The following TANC1 variants were observed in gnomAD, a reference collection of about 807,000 sequenced individuals.
TANC1 encodes protein TANC1.
In TANC1, 77 loss-of-function variants were observed where a neutral mutation model predicts 149.7. That is an observed-to-expected ratio of 0.51 (90% confidence interval 0.43 to 0.62). The LOEUF (loss-of-function observed/expected upper bound fraction) is 0.62, where lower values mean the gene tolerates loss of function less well. TANC1 is among the 20% of genes least tolerant of loss of function. TANC1 has a pLI of 0.00. For missense variants in TANC1, 1,985 were observed against 2,321.8 expected (o/e 0.85, Z 2.98); for synonymous variants, 854 against 925.0 (o/e 0.92, Z 1.39).
Position 159,123,762 on chromosome 2 carries a change from T to C in TANC1, c.260-12432T>C, listed in dbSNP as rs73969454. 7.0e-3 allele frequency among the ~76,000 whole-genome samples: 1,071 copies of C among 152,326 alleles called. 8 individuals are homozygous for C. The highest frequency in any genetic ancestry group is 0.024 in the African/African-American group (1,007 of 41,566). On this transcript the variant is annotated intron_variant, in intron 4 of 26. Coordinates refer to ENST00000263635, the MANE Select transcript of TANC1 (RefSeq NM_033394.3). ...GAGTACATAGCTCTGTGCTAAACAC[T>C]GTAAAGAAGCTAAACAGAGACAAAG... is the stretch of plus-strand genomic sequence containing the variant.
In TANC1 at chr2:159,228,894, C is replaced by G; in HGVS notation, c.4149C>G (p.Ser1383Arg). ...CCAGAGCAAGAGCGAAGAGAAATAG[C>G]AGGTACCGTCTGTGGTTATCTTTGT... ...FYARARAKRN[S>R]RQFVAALADL... The change falls in exon 26 of 27, where the codon AGC (serine) becomes AGG (arginine). Residue 1383 changes from serine (S) to arginine (R), a missense_variant and splice_region_variant. Ser to Arg is a moderately radical substitution (Grantham distance 110). Transcript: ENST00000263635. 4.3e-6 allele frequency: 7 copies of G among 1,611,498 alleles called. No homozygotes were observed. The highest frequency in any genetic ancestry group is 5.9e-6 in the Non-Finnish European group (7 of 1,177,650).
chr2:159,065,843 T>C lies in TANC1; in HGVS notation c.-15-53T>C, dbSNP rs955325682. The C allele has an allele frequency of 1.5e-5, 22 of 1,451,852 alleles. No homozygotes were observed. The Admixed American group carries it at 3.4e-4, about 22-fold the overall frequency. 89.9% of individuals were successfully genotyped at this position (1,451,852 alleles called of 1,614,324 possible). On this transcript the variant is annotated intron_variant, in intron 2 of 26. Coordinates refer to ENST00000263635, the MANE Select transcript of TANC1 (RefSeq NM_033394.3). The stretch of plus-strand genomic sequence containing the variant: ...ACCTCTTTTGTCAAGACACAAGTTA[T>C]ATTCCAACTTTCAATGTTTAATTCC...
At chr2:159,109,730 G>A (rs2047537532) in intron 4 of TANC1, among the ~76,000 whole-genome samples, 2 of 152,174 alleles carry the variant, frequency 1.3e-5, no homozygotes, top group African/African-American at 2.4e-5. Context: ...TGCTGCACAC[G>A]CTACCCTCCT....
chr2:159,229,486 TCTTTC>T, intron 26 of TANC1, 87 bp from the exon 27 acceptor site: 3 of 1,119,362 alleles, frequency 2.7e-6, no homozygotes, highest in Non-Finnish European at 3.8e-6. Context: ...TGCTACCTTC[TCTTTC>T]CTTTGAGCAC....
chr2:159,102,670 T>C (rs34012061), intron 4 of TANC1, among the ~76,000 whole-genome samples: 8,362 of 86,860 alleles, frequency 0.096, 542 homozygotes, highest in Admixed American at 0.13. Flanking sequence ...GTTTCATTAT[T>C]TTATAATTGA....
intron 24 of TANC1, chr2:159,227,170 T>A (rs888876936): frequency 3.3e-5 from 5 of 152,070 alleles, no homozygotes; most frequent in African/African-American, 1.2e-4. Flanking sequence ...GAGTTGAGTG[T>A]ATTGTTGTGG....
chr2:159,060,187 G>A (rs1390540083), intron 2 of TANC1: 21 of 451,308 alleles, frequency 4.7e-5, no homozygotes, highest in East Asian at 1.6e-4. Flanking sequence ...CTTCTTTGAA[G>A]CAAAGAAGAA....
At chr2:159,184,993 G>C (rs574831412) in intron 14 of TANC1, among the ~76,000 whole-genome samples, 157 of 152,322 alleles carry the variant, frequency 1.0e-3, no homozygotes, top group African/African-American at 3.5e-3. Context: ...ATCTAGATTA[G>C]CAACTACTAG....
In TANC1 at chr2:159,217,587, G is replaced by C. The variant is rs1482100849; in HGVS notation, c.3335G>C (p.Gly1112Ala). 6.2e-7 allele frequency: 1 copy of C among 1,614,220 alleles called. No homozygotes were observed. Among genetic ancestry groups the C allele is most frequent in the South Asian group, 1.1e-5 (1 of 91,082 alleles). ...GCTGTGTCGCGGACAAACAGGAGAG[G>C]GGTTCCACCTTTGTTTTGTGCAGCA... is the stretch of plus-strand genomic sequence containing the variant. The part of the protein sequence containing the change: ...GAAVSRTNRR[G>A]VPPLFCAARQ... Residue 1112 changes from glycine (G) to alanine (A), a missense_variant, in exon 20 of 27, where the codon GGG becomes GCG. Gly to Ala is a moderately conservative substitution (Grantham distance 60). Coordinates refer to ENST00000263635, the MANE Select transcript of TANC1 (RefSeq NM_033394.3).
rs112443427 is a variant in TANC1 at position 159,087,999 on chromosome 2, A to T, written c.62-9638A>T. 2.8e-4 allele frequency among the ~76,000 whole-genome samples: 42 copies of T among 151,682 alleles called. 1 individual carries two copies. Among genetic ancestry groups the T allele is most frequent in the African/African-American group, 9.9e-4 (41 of 41,294 alleles). ...AGGATTGCTGACCACACCAGAAAGG[A>T]AGAGAAAGGCATGAACTAGATTCTC... On this transcript the variant is annotated intron_variant, in intron 3 of 26. Transcript: ENST00000263635.
At chr2:159,045,215 T>G (rs1157989335) in intron 2 of TANC1, among the ~76,000 whole-genome samples, 1 of 152,112 alleles carries the variant, frequency 6.6e-6, no homozygotes, top group Non-Finnish European at 1.5e-5. Flanking sequence ...TCCTAGCACT[T>G]TGAGAGGCTG....
At chr2:159,088,406 A>G (rs1269758217) in intron 3 of TANC1, among the ~76,000 whole-genome samples, 2 of 152,134 alleles carry the variant, frequency 1.3e-5, no homozygotes, top group African/African-American at 4.8e-5. Context: ...CTTCTTGGGG[A>G]AACCTTCCCG....
At chr2:159,046,715 C>T (rs1359964588) in intron 2 of TANC1, among the ~76,000 whole-genome samples, 1 of 151,070 alleles carries the variant, frequency 6.6e-6, no homozygotes, top group Non-Finnish European at 1.5e-5. Context: ...ATCCTCCCAC[C>T]TCAGACCCTC....
At chr2:158,987,098 T>A (rs2035085291) in intron 1 of TANC1, among the ~76,000 whole-genome samples, 1 of 149,348 alleles carries the variant, frequency 6.7e-6, no homozygotes, top group South Asian at 2.1e-4. Context: ...CCTGTGATAC[T>A]AGTTACTCAG....
intron 4 of TANC1, among the ~76,000 whole-genome samples, chr2:159,107,860 A>C (rs555601842): frequency 1.6e-4 from 25 of 152,164 alleles, no homozygotes; most frequent in Non-Finnish European, 3.2e-4. Flanking sequence ...TTTGCTCTGC[A>C]TAACCCTTTA....
intron 2 of TANC1, among the ~76,000 whole-genome samples, chr2:159,013,600 C>T (rs968995432): frequency 3.3e-5 from 5 of 152,124 alleles, no homozygotes; most frequent in African/African-American, 1.2e-4. Flanking sequence ...AGATTTCTCC[C>T]GTAACCCCAA....
chr2:159,106,700 T>G (rs541613176), intron 4 of TANC1, among the ~76,000 whole-genome samples: 1 of 152,348 alleles, frequency 6.6e-6, no homozygotes, highest in South Asian at 2.1e-4. Flanking sequence ...GTGAAATTGT[T>G]GAATCATATG....
intron 1 of TANC1, among the ~76,000 whole-genome samples, chr2:158,980,278 A>T (rs2034148210): frequency 6.6e-6 from 1 of 152,108 alleles, no homozygotes; most frequent in South Asian, 2.1e-4. Context: ...ATTGAATTGT[A>T]GAAACTTTTT....
chr2:159,022,084 A>G (rs1052848741), intron 2 of TANC1, among the ~76,000 whole-genome samples: 2 of 152,224 alleles, frequency 1.3e-5, no homozygotes, highest in Non-Finnish European at 2.9e-5. Context: ...AAATCCTGGT[A>G]TACGTAACTT....
Sources: gnomAD v4.1 joint callset for allele counts (sites outside exome capture counted in the v4.1 genomes callset) on GRCh38, gnomAD v4.1.1 for gene constraint, MANE v1.5 for transcripts, NCBI Gene and HGNC (gene_info 2026-07-23, HGNC 2026-07-21) for gene names.